Variants in LRPPRC observed in about 807,000 individuals in gnomAD.
The protein encoded by LRPPRC is leucine rich pentatricopeptide repeat containing.
LRPPRC carries 120 observed loss-of-function variants against 180.3 expected under a neutral mutation model. That is an observed-to-expected ratio of 0.67 (90% CI 0.57 to 0.77). The LOEUF (loss-of-function observed/expected upper bound fraction) is 0.77, where lower values mean the gene tolerates loss of function less well. LRPPRC is among the 30% of genes least tolerant of loss of function. The pLI is 0.00. For synonymous variants in LRPPRC, 723 were observed against 600.0 expected, an observed-to-expected ratio of 1.21 and a Z score of -3.00; for missense variants, 2,012 against 1,657.2, an observed-to-expected ratio of 1.21 and a Z score of -3.72.
intron 36 of LRPPRC, chr2:43,890,099 T>A (rs1670433100): frequency 5.1e-6 from 3 of 584,620 alleles, no homozygotes; most frequent in Admixed American, 6.1e-5. Flanking sequence ...ATGACAAATA[T>A]GGCTACATTT....
chr2:43,925,125 T>G lies in LRPPRC; in HGVS notation c.2838A>C (p.Thr946=). 6.2e-7 allele frequency: 1 copy of G among 1,602,102 alleles called. No individual in the cohort carries two copies. The highest frequency in any genetic ancestry group is 8.6e-7 in the Non-Finnish European group (1 of 1,169,116). ...CTCTATCACATTCAAATAGCTTCTG[T>G]GTCAGCTCCACTAATTTTTCCAGAG... The part of the protein sequence containing the change: ...VETLEKLVEL[T]QKLFECDRDQ... Residue 946 remains threonine, a synonymous_variant, in exon 27 of 38, where the codon ACA becomes ACC. Transcript: ENST00000260665.
chr2:43,979,384 T>C (rs549304649), intron 3 of LRPPRC, among the ~76,000 whole-genome samples: 1 of 152,302 alleles, frequency 6.6e-6, no homozygotes, highest in East Asian at 1.9e-4. Context: ...CAGTAATCTA[T>C]TTTACGGGTA....
intron 29 of LRPPRC, among the ~76,000 whole-genome samples, chr2:43,914,669 A>G (rs1438390025): frequency 6.6e-6 from 1 of 151,946 alleles, no homozygotes; most frequent in Non-Finnish European, 1.5e-5. Flanking sequence ...CAGAGGCTGC[A>G]GTGAGCTAAG....
At chr2:43,988,997 C>T (rs1389668661) in intron 1 of LRPPRC, among the ~76,000 whole-genome samples, 1 of 152,096 alleles carries the variant, frequency 6.6e-6, no homozygotes, top group African/African-American at 2.4e-5. Context: ...AGCCTCAGCT[C>T]CCAAGTAGCT....
Position 43,995,891 on chromosome 2 carries a change from G to T in LRPPRC, c.57C>A (p.Arg19=), listed in dbSNP as rs1195828771. 6.6e-7 allele frequency: 1 copy of T among 1,510,362 alleles called. No homozygotes were observed. The highest frequency in any genetic ancestry group is 8.8e-7 in the Non-Finnish European group (1 of 1,137,112). The allele number at this position is 1,510,362 out of a possible 1,614,324, so 93.6% of individuals were successfully genotyped here. The part of the protein sequence containing the change: ...RWLLRAGAAP[R]LPLSLRLLPG... The stretch of plus-strand genomic sequence containing the variant: ...GGAGGAGGCGCAGGGAGAGCGGGAG[G>T]CGCGGGGCCGCCCCGGCACGCAGCA... The change falls in exon 1 of 38, where the codon CGC becomes CGA. Residue 19 remains arginine, a synonymous_variant. Transcript: ENST00000260665.
intron 27 of LRPPRC, among the ~76,000 whole-genome samples, chr2:43,920,091 A>C (rs1348247915): frequency 1.3e-4 from 20 of 151,716 alleles, no homozygotes; most frequent in Middle Eastern, 3.4e-3. Context: ...AAAAAAAAAA[A>C]AAAAAAAAAA....
chr2:43,991,354 T>C lies in LRPPRC; in HGVS notation c.149+4445A>G, dbSNP rs188840605. On this transcript the variant is annotated intron_variant, in intron 1 of 37. Coordinates refer to ENST00000260665, the MANE Select transcript of LRPPRC (RefSeq NM_133259.4). The stretch of plus-strand genomic sequence containing the variant: ...GCCGGACCCATCAGATTCTTAATAT[T>C]TGCAGAAGATTTTTCTAAAATGAGA... 8.7e-3 allele frequency among the ~76,000 whole-genome samples: 1,330 copies of C among 152,270 alleles called. 14 individuals carry two copies. Among genetic ancestry groups the C allele is most frequent in the Middle Eastern group, 0.017 (5 of 294 alleles).
chr2:43,911,434 T>C (rs1671251828), intron 30 of LRPPRC, among the ~76,000 whole-genome samples: 1 of 151,958 alleles, frequency 6.6e-6, no homozygotes, highest in African/African-American at 2.4e-5. Flanking sequence ...CAGGCATCCA[T>C]TTTCTGCTTA....
At chr2:43,990,011 G>A (rs971395480) in intron 1 of LRPPRC, among the ~76,000 whole-genome samples, 2 of 152,012 alleles carry the variant, frequency 1.3e-5, no homozygotes, top group African/African-American at 4.8e-5. Context: ...TCAGGATTTC[G>A]AGACCAGCCT....
At position 43,911,593 on chromosome 2, in the gene LRPPRC, C is replaced by A. The variant is rs1558923068; in HGVS notation, c.3275+839G>T. 2.2e-5 allele frequency among the ~76,000 whole-genome samples: 3 copies of A among 134,456 alleles called. No individual in the cohort carries two copies. In the East Asian group the frequency reaches 7.8e-4, roughly 35 times the overall value. 88.2% of individuals were successfully genotyped at this position (134,456 alleles called of 152,430 possible). A position where few individuals can be genotyped will look rare whatever the true frequency, so the allele number is the denominator to read the frequency against. Reference sequence around the variant, plus strand: ...CCAGGCTGGAGTGCAGTTGCGCAATCTCAGCTCAACGCAACCTCCACCTCC... The same window carrying A: ...CCAGGCTGGAGTGCAGTTGCGCAATATCAGCTCAACGCAACCTCCACCTCC... On this transcript the variant is annotated intron_variant, in intron 30 of 37. Transcript: ENST00000260665.
At chr2:43,896,781 TAAG>T in intron 34 of LRPPRC, 73 bp from the exon 35 acceptor site, 1 of 911,830 alleles carries the variant, frequency 1.1e-6, no homozygotes, top group Non-Finnish European at 1.8e-6. Flanking sequence ...TATTTCCAAT[TAAG>T]AAAGTTCACA....
chr2:43,946,815 G>T (rs973389844), intron 20 of LRPPRC, among the ~76,000 whole-genome samples: 1 of 152,038 alleles, frequency 6.6e-6, no homozygotes, highest in Non-Finnish European at 1.5e-5. Flanking sequence ...ACAAAGTACA[G>T]CTGGATGCCC....
At position 43,960,592 on chromosome 2, in the gene LRPPRC, C is replaced by T. The variant is rs1673307373; in HGVS notation, c.1531G>A (p.Gly511Arg). ...LSDSDMFSQA[G>R]LRSEAANGNL... ...CCATTTGCTGCTTCACTTCTCAATC[C>T]AGCTTGAGAAAACATATCACTATCA... The change falls in exon 13 of 38, where the codon GGA becomes AGA. Residue 511 changes from glycine to arginine, a missense_variant. Physicochemically the swap from Gly to Arg is moderately radical, Grantham distance 125. Coordinates refer to ENST00000260665, the MANE Select transcript of LRPPRC (RefSeq NM_133259.4). 1 of 1,606,772 alleles carries T rather than the reference C, an allele frequency of 6.2e-7. No homozygotes were observed. Among genetic ancestry groups the T allele is most frequent in the South Asian group, 1.1e-5 (1 of 90,972 alleles).
At chr2:43,900,536 T>A (rs1022569792) in intron 32 of LRPPRC, among the ~76,000 whole-genome samples, 1 of 152,154 alleles carries the variant, frequency 6.6e-6, no homozygotes, top group Non-Finnish European at 1.5e-5. Context: ...ATTTCTTCAA[T>A]CTTCTAATGT....
intron 3 of LRPPRC, among the ~76,000 whole-genome samples, 181 bp from the exon 4 acceptor site, chr2:43,977,457 G>A (rs577483343): frequency 9.9e-5 from 15 of 152,260 alleles, no homozygotes; most frequent in Non-Finnish European, 1.9e-4. Context: ...AAGCATGTAA[G>A]ACAGTAATTA....
chr2:43,983,107 T>A (rs557671856), intron 1 of LRPPRC, among the ~76,000 whole-genome samples: 1 of 152,128 alleles, frequency 6.6e-6, no homozygotes, highest in South Asian at 2.1e-4. Context: ...AATAAAGTGT[T>A]AAACATCATT....
At chr2:43,926,010 ATAT>A in intron 25 of LRPPRC, 49 bp from the exon 26 acceptor site, 1 of 1,100,026 alleles carries the variant, frequency 9.1e-7, no homozygotes, top group Non-Finnish European at 1.4e-6. Flanking sequence ...CTTCGGCTGA[ATAT>A]TATTTTTTTC....
At chr2:43,942,431 G>C (rs1300889222) in intron 23 of LRPPRC, among the ~76,000 whole-genome samples, 2 of 152,188 alleles carry the variant, frequency 1.3e-5, no homozygotes, top group South Asian at 4.1e-4. Context: ...GTCATTATTT[G>C]AATCACTATT....
chr2:43,896,842 T>G, intron 34 of LRPPRC, 134 bp from the exon 35 acceptor site: 2 of 640,558 alleles, frequency 3.1e-6, no homozygotes, highest in Non-Finnish European at 2.8e-6. Flanking sequence ...AATAGTCGAC[T>G]ATTATTTTTT....
Sources: gnomAD v4.1 joint callset for allele counts (sites outside exome capture counted in the v4.1 genomes callset) on GRCh38, gnomAD v4.1.1 for gene constraint, MANE v1.5 for transcripts, NCBI Gene and HGNC (gene_info 2026-07-23, HGNC 2026-07-21) for gene names.